Variants in RABIF observed in about 807,000 individuals in gnomAD.
The protein encoded by RABIF is guanine nucleotide exchange factor MSS4.
A neutral mutation model predicts 12.3 loss-of-function variants in RABIF; 13 were observed. The observed-to-expected ratio is 1.06, with a 90% CI of 0.69 to 1.68. RABIF has a LOEUF of 1.68. Among genes scored for constraint, RABIF ranks in the 40% most tolerant of loss-of-function variants. The pLI is 0.00. For synonymous variants in RABIF, 70 were observed against 63.3 expected (o/e 1.11, Z -0.50); for missense variants, 153 against 158.0 (o/e 0.97, Z 0.17).
rs1032176051 is a variant in RABIF, at chr1:202,880,743, C to G, written c.*235G>C. The G allele has an allele frequency of 1.3e-5, 16 of 1,274,122 alleles. No individual in the cohort carries two copies. In the African/African-American group the frequency reaches 2.4e-4, roughly 19 times the overall value. 78.9% of individuals were successfully genotyped at this position (1,274,122 alleles called of 1,614,324 possible). ...TGGAGGTAAGCACAGTGTCCCAAAACTGGGGGAAAAGGGAGCTTAGGAAAT... is the reference window on the plus strand; with the variant it reads ...TGGAGGTAAGCACAGTGTCCCAAAAGTGGGGGAAAAGGGAGCTTAGGAAAT... On this transcript the variant is annotated 3_prime_UTR_variant, in exon 2 of 2. Coordinates refer to ENST00000367262, the MANE Select transcript of RABIF (RefSeq NM_002871.5).
Position 202,880,809 on chromosome 1 carries a change from C to G in RABIF, c.*169G>C. On this transcript the variant is annotated 3_prime_UTR_variant, in exon 2 of 2. Transcript: ENST00000367262. ...CTAAGCAGGAGGCATGTACTTGAGG[C>G]TTTAGGAAGCAGGATTAACCCTCTG... is the stretch of plus-strand genomic sequence containing the variant. 1 of 1,415,600 alleles carries G rather than the reference C, an allele frequency of 7.1e-7. No individual in the cohort carries two copies. The highest frequency in any genetic ancestry group is 9.2e-7 in the Non-Finnish European group (1 of 1,085,946). 87.7% of individuals were successfully genotyped at this position (1,415,600 alleles called of 1,614,324 possible). A position where few individuals can be genotyped will look rare whatever the true frequency, so the allele number is the denominator to read the frequency against.
chr1:202,885,226 C>CCTCTGGAGG (rs1659543717), intron 1 of RABIF, among the ~76,000 whole-genome samples: 2 of 152,160 alleles, frequency 1.3e-5, no homozygotes, highest in Admixed American at 6.5e-5. Context: ...TGCTACATGT[C>CCTCTGGAGG]CTCTGGAGGT....
intron 1 of RABIF, among the ~76,000 whole-genome samples, chr1:202,888,667 A>T (rs1243483405): frequency 6.6e-6 from 1 of 152,106 alleles, no homozygotes; most frequent in African/African-American, 2.4e-5. Context: ...CCGGCCTTGG[A>T]CGGCGGCGGG....
At chr1:202,885,968 A>ACC (rs774883023) in intron 1 of RABIF, among the ~76,000 whole-genome samples, 26,304 of 149,898 alleles carry the variant, frequency 0.18, 2,920 homozygotes, top group East Asian at 0.42. Flanking sequence ...ACAACCCAAA[A>ACC]AAAAAAAAAC....
chr1:202,886,100 G>T (rs879459418), intron 1 of RABIF, among the ~76,000 whole-genome samples: 1 of 151,654 alleles, frequency 6.6e-6, no homozygotes, highest in Non-Finnish European at 1.5e-5. Context: ...AAAAAGAAAT[G>T]TAACATATAT....
chr1:202,885,417 G>A (rs1659547093), intron 1 of RABIF, among the ~76,000 whole-genome samples: 1 of 152,210 alleles, frequency 6.6e-6, no homozygotes. Flanking sequence ...AGAGAAAGCT[G>A]TAGGCCACCT....
At chr1:202,885,721 G>C (rs1211287830) in intron 1 of RABIF, among the ~76,000 whole-genome samples, 1 of 152,202 alleles carries the variant, frequency 6.6e-6, no homozygotes, top group East Asian at 1.9e-4. Context: ...TAACTGGTTA[G>C]AATCTTCCAT....
intron 1 of RABIF, among the ~76,000 whole-genome samples, chr1:202,882,629 A>C (rs1401005708): frequency 6.6e-6 from 1 of 152,166 alleles, no homozygotes; most frequent in Non-Finnish European, 1.5e-5. Context: ...ATCATAATCA[A>C]GATAATGAAC....
Position 202,878,621 on chromosome 1 carries a change from TC to T in RABIF, c.*2356del, listed in dbSNP as rs2102394098. On this transcript the variant is annotated 3_prime_UTR_variant, in exon 2 of 2. Transcript: ENST00000367262. ...TGAAATGTCAGTACACCACTGCCCA[TC>T]TTTGATTCCATGTTTTTGTAAAACA... Among the ~76,000 whole-genome samples the T allele has an allele frequency of 6.6e-6, 1 of 152,362 alleles. No homozygotes were observed. The highest frequency in any genetic ancestry group is 1.9e-4 in the East Asian group (1 of 5,190).
chr1:202,886,745 CTTTTTTT>C (rs71142572), intron 1 of RABIF, among the ~76,000 whole-genome samples: 82,571 of 147,622 alleles, frequency 0.56, 23,418 homozygotes, highest in Non-Finnish European at 0.62. Context: ...TTTCTTTTTT[CTTTTTTT>C]TTTTTTTTGA....
intron 1 of RABIF, among the ~76,000 whole-genome samples, chr1:202,884,416 A>G (rs1659530975): frequency 6.6e-6 from 1 of 152,084 alleles, no homozygotes; most frequent in African/African-American, 2.4e-5. Context: ...CCAAGAGTGG[A>G]GTCCATAGCC....
intron 1 of RABIF, among the ~76,000 whole-genome samples, chr1:202,882,820 T>C (rs1249743910): frequency 2.0e-5 from 3 of 152,304 alleles, no homozygotes; most frequent in South Asian, 2.1e-4. Context: ...GTGCTTAGAA[T>C]AGCAACTGGT....
rs146098802 is a variant in RABIF at position 202,878,539 on chromosome 1, G to A, written c.*2439C>T. On this transcript the variant is annotated 3_prime_UTR_variant, in exon 2 of 2. Coordinates refer to ENST00000367262, the MANE Select transcript of RABIF (RefSeq NM_002871.5). ...CTATCCACCATTATCAGAAGCAGAA[G>A]TCCTCATAGTTACTCAGTTACATGT... Among the ~76,000 whole-genome samples the A allele has an allele frequency of 9.9e-3, 1,505 of 152,356 alleles. 14 individuals carry two copies. Among genetic ancestry groups the A allele is most frequent in the Non-Finnish European group, 0.016 (1,088 of 68,028 alleles).
In RABIF at chr1:202,878,793, T is replaced by C. The variant is rs1279403093; in HGVS notation, c.*2185A>G. On this transcript the variant is annotated 3_prime_UTR_variant, in exon 2 of 2. Transcript: ENST00000367262. Reference sequence around the variant, plus strand: ...TAGCAGCTGATTCACAAGTATGTACTGAGAGCCTATTAGGTGTGAGGGAAA... The same window carrying C: ...TAGCAGCTGATTCACAAGTATGTACCGAGAGCCTATTAGGTGTGAGGGAAA... 6.6e-6 allele frequency among the ~76,000 whole-genome samples: 1 copy of C among 152,262 alleles called. No homozygotes were observed. Among genetic ancestry groups the C allele is most frequent in the African/African-American group, 2.4e-5 (1 of 41,474 alleles).
chr1:202,888,906 G>C lies in RABIF; in HGVS notation c.126+67C>G, dbSNP rs1319246062. 5.5e-6 allele frequency: 8 copies of C among 1,455,200 alleles called. No individual in the cohort carries two copies. The African/African-American group carries it at 1.0e-4, about 18-fold the overall frequency. 90.1% of individuals were successfully genotyped at this position (1,455,200 alleles called of 1,614,324 possible). A position where few individuals can be genotyped will look rare whatever the true frequency, so the allele number is the denominator to read the frequency against. ...CCGGAAATTGAAGAGCCGGGGTTCA[G>C]ATTCTGACTGCGGCGGCTCGTCGGG... On this transcript the variant is annotated intron_variant, in intron 1 of 1. Transcript: ENST00000367262.
At position 202,885,109 on chromosome 1, in the gene RABIF, A is replaced by G. The variant is rs1443392451; in HGVS notation, c.126+3864T>C. On this transcript the variant is annotated intron_variant, in intron 1 of 1. Coordinates refer to ENST00000367262, the MANE Select transcript of RABIF (RefSeq NM_002871.5). ...CTCAAAAAAAAAAAAAAAAAAAAAA[A>G]AAAAGAAAAGAAAGAAAAAGATGCT... Among the ~76,000 whole-genome samples the G allele has an allele frequency of 1.0e-3, 159 of 151,456 alleles. 1 individual carries two copies. Among genetic ancestry groups the G allele is most frequent in the South Asian group, 0.01 (48 of 4,766 alleles).
chr1:202,886,312 G>A (rs1204750414), intron 1 of RABIF, among the ~76,000 whole-genome samples: 1 of 134,596 alleles, frequency 7.4e-6, no homozygotes, highest in Non-Finnish European at 1.6e-5. Flanking sequence ...GGGAGGGGAT[G>A]GGAGGGGAGT....
intron 1 of RABIF, among the ~76,000 whole-genome samples, chr1:202,885,771 T>TA (rs1659551566): frequency 6.6e-6 from 1 of 152,208 alleles, no homozygotes; most frequent in South Asian, 2.1e-4. Flanking sequence ...TCCTAGAAGT[T>TA]ATATTTTTGC....
chr1:202,888,229 AT>A (rs201905197), intron 1 of RABIF, among the ~76,000 whole-genome samples: 22 of 151,808 alleles, frequency 1.4e-4, no homozygotes, highest in African/African-American at 4.8e-4. Context: ...ACCGAAATAA[AT>A]TTTTTTTTCA....
Sources: allele counts gnomAD v4.1 joint callset (sites outside exome capture counted in the v4.1 genomes callset), GRCh38; gene constraint gnomAD v4.1.1; transcripts MANE v1.5; gene names NCBI Gene and HGNC (gene_info 2026-07-23, HGNC 2026-07-21).